PDE4D: variants seen among roughly 807,000 people sequenced by gnomAD.
PDE4D encodes 3',5'-cyclic-AMP phosphodiesterase 4D.
In PDE4D, 24 loss-of-function variants were observed where a neutral mutation model predicts 87.4. That is an observed-to-expected ratio of 0.27 (90% CI 0.20 to 0.39). The LOEUF (loss-of-function observed/expected upper bound fraction) is 0.39. PDE4D is among the 10% of genes least tolerant of loss of function. PDE4D has a pLI of 1.00. For missense variants in PDE4D, 714 were observed against 1,041.0 expected (o/e 0.69, Z 4.32); for synonymous variants, 384 against 383.2 (o/e 1.00, Z -0.02).
chr5:60,332,365 T>C (rs1025764858), intron 1 of PDE4D, among the ~76,000 whole-genome samples: 9 of 152,124 alleles, frequency 5.9e-5, no homozygotes, highest in Admixed American at 2.0e-4. Context: ...CCAGTATCTA[T>C]TGTTTCCATC....
At chr5:60,194,964 C>G (rs530794548) in intron 1 of PDE4D, among the ~76,000 whole-genome samples, 2 of 151,772 alleles carry the variant, frequency 1.3e-5, no homozygotes, top group African/African-American at 4.8e-5. Context: ...CATCCCTTGA[C>G]CTCCCACACA....
At chr5:60,128,585 T>C (rs545399694) in intron 2 of PDE4D, among the ~76,000 whole-genome samples, 6 of 152,316 alleles carry the variant, frequency 3.9e-5, no homozygotes, top group Admixed American at 1.3e-4. Context: ...GGTGACCAGG[T>C]GGAAGGCAGC....
chr5:59,367,951 A>G (rs776638448), intron 1 of PDE4D, among the ~76,000 whole-genome samples: 2 of 152,260 alleles, frequency 1.3e-5, no homozygotes, highest in Non-Finnish European at 2.9e-5. Flanking sequence ...ATTTTCCTTC[A>G]CGAGGAGCTA....
At chr5:60,256,912 C>T (rs1438883408) in intron 1 of PDE4D, among the ~76,000 whole-genome samples, 2 of 151,852 alleles carry the variant, frequency 1.3e-5, no homozygotes, top group East Asian at 1.9e-4. Flanking sequence ...ATTTCACATA[C>T]GTATATCTAC....
intron 5 of PDE4D, among the ~76,000 whole-genome samples, chr5:59,100,249 C>A (rs1770509894): frequency 6.6e-6 from 1 of 152,198 alleles, no homozygotes; most frequent in African/African-American, 2.4e-5. Flanking sequence ...TAAGGTCGCC[C>A]TAACTTGCTT....
chr5:60,062,209 T>G (rs996055069), intron 2 of PDE4D, among the ~76,000 whole-genome samples: 1 of 151,892 alleles, frequency 6.6e-6, no homozygotes, highest in Non-Finnish European at 1.5e-5. Flanking sequence ...TTAACCATAT[T>G]TACAAGAAAA....
At chr5:60,388,834 A>G (rs1158573431) in intron 1 of PDE4D, among the ~76,000 whole-genome samples, 1 of 152,218 alleles carries the variant, frequency 6.6e-6, no homozygotes, top group Non-Finnish European at 1.5e-5. Context: ...GATGAAAACA[A>G]GTATCTATAT....
At chr5:59,346,870 T>C (rs1420040119) in intron 1 of PDE4D, among the ~76,000 whole-genome samples, 2 of 152,194 alleles carry the variant, frequency 1.3e-5, no homozygotes, top group Non-Finnish European at 2.9e-5. Context: ...CAGTAAGATG[T>C]GAGATAAACA....
intron 2 of PDE4D, among the ~76,000 whole-genome samples, chr5:60,151,868 G>T (rs1469661810): frequency 6.6e-6 from 1 of 152,130 alleles, no homozygotes; most frequent in African/African-American, 2.4e-5. Flanking sequence ...TATTCAGTTA[G>T]CTGTAGACTT....
chr5:59,990,234 C>T (rs572021711), intron 2 of PDE4D, among the ~76,000 whole-genome samples: 1 of 152,190 alleles, frequency 6.6e-6, no homozygotes, highest in Admixed American at 6.5e-5. Context: ...ATTTACCTCT[C>T]GGAGTCATTG....
In PDE4D at chr5:60,182,811, C is replaced by T. The variant is rs541729138; in HGVS notation, c.42+2746G>A. 1.5e-3 allele frequency among the ~76,000 whole-genome samples: 224 copies of T among 150,982 alleles called. 4 individuals carry two copies. Among genetic ancestry groups the T allele is most frequent in the Non-Finnish European group, 1.8e-4 (12 of 67,832 alleles). ...AGGAGAATGGCGTGAACCAGGGAGG[C>T]GGAGCTTGCAGTGAGCCGAGATCGC... On this transcript the variant is annotated intron_variant, in intron 2 of 16. Transcript: ENST00000502484.
At chr5:60,303,371 C>G (rs1157295183) in intron 1 of PDE4D, among the ~76,000 whole-genome samples, 3 of 146,636 alleles carry the variant, frequency 2.0e-5, no homozygotes, top group East Asian at 4.1e-4. Flanking sequence ...TGCAGTGGCG[C>G]GATCTCGGCT....
At chr5:60,443,497 T>G (rs1357214285) in intron 1 of PDE4D, among the ~76,000 whole-genome samples, 1 of 152,152 alleles carries the variant, frequency 6.6e-6, no homozygotes, top group African/African-American at 2.4e-5. Flanking sequence ...GAGGTTCTTT[T>G]TCCCCAGGGT....
At chr5:59,555,463 T>TA (rs140851057) in intron 1 of PDE4D, among the ~76,000 whole-genome samples, 4,145 of 152,018 alleles carry the variant, frequency 0.027, 192 homozygotes, top group African/African-American at 0.094. Context: ...TTACCTATAT[T>TA]AAAAAAAATC....
At chr5:60,040,021 A>G (rs1247504297) in intron 2 of PDE4D, among the ~76,000 whole-genome samples, 1 of 152,154 alleles carries the variant, frequency 6.6e-6, no homozygotes, top group Non-Finnish European at 1.5e-5. Context: ...CATTCACTCT[A>G]TCAAAACTGG....
chr5:60,307,033 T>A (rs962099164), intron 1 of PDE4D, among the ~76,000 whole-genome samples: 1 of 152,126 alleles, frequency 6.6e-6, no homozygotes, highest in Admixed American at 6.5e-5. Context: ...TAATAGCTAT[T>A]ACAAACCTAA....
chr5:59,995,801 A>G (rs1030060560), intron 2 of PDE4D, among the ~76,000 whole-genome samples: 3 of 152,176 alleles, frequency 2.0e-5, no homozygotes, highest in African/African-American at 7.2e-5. Flanking sequence ...ATCTGGAAGG[A>G]AGGGAGACAA....
chr5:59,684,053 C>T (rs1028340565), intron 1 of PDE4D, among the ~76,000 whole-genome samples: 1 of 152,184 alleles, frequency 6.6e-6, no homozygotes, highest in African/African-American at 2.4e-5. Context: ...GTACTACAAA[C>T]CTTTTCTATG....
At chr5:59,230,558 A>G (rs1043240624) in intron 1 of PDE4D, among the ~76,000 whole-genome samples, 8 of 152,242 alleles carry the variant, frequency 5.3e-5, no homozygotes, top group African/African-American at 1.9e-4. Flanking sequence ...TTATGTGTTA[A>G]GTATGTTAAA....
Sources: gnomAD v4.1 joint callset for allele counts (sites outside exome capture counted in the v4.1 genomes callset) on GRCh38, gnomAD v4.1.1 for gene constraint, MANE v1.5 for transcripts, NCBI Gene and HGNC (gene_info 2026-07-23, HGNC 2026-07-21) for gene names.